SPTLC2: variants seen among roughly 807,000 people sequenced by gnomAD.
The protein encoded by SPTLC2 is serine palmitoyltransferase long chain base subunit 2, also known as serine palmitoyltransferase 2.
A neutral mutation model predicts 62.0 loss-of-function variants in SPTLC2; 21 were observed. The ratio of observed to expected loss-of-function variants is 0.34; its 90% CI spans 0.24 to 0.49. The LOEUF (loss-of-function observed/expected upper bound fraction) is 0.49, where lower values mean the gene tolerates loss of function less well. SPTLC2 is among the 20% of genes least tolerant of loss of function. The probability of loss-of-function intolerance (pLI) is 0.99; values close to 1 mark genes in which losing one functional copy is unlikely to be tolerated. For missense variants in SPTLC2, 511 were observed against 713.0 expected, an observed-to-expected ratio of 0.72 and a Z score of 3.23; for synonymous variants, 261 against 261.8, an observed-to-expected ratio of 1.00 and a Z score of 0.03.
At chr14:77,588,784 T>C (rs748138872) in intron 2 of SPTLC2, among the ~76,000 whole-genome samples, 21 of 151,596 alleles carry the variant, frequency 1.4e-4, no homozygotes, top group East Asian at 5.8e-4. Flanking sequence ...GCGGATCACT[T>C]AAGCCCAGAA....
intron 7 of SPTLC2, 132 bp from the exon 8 acceptor site, chr14:77,555,651 C>A (rs12101243): frequency 4.3e-6 from 4 of 926,008 alleles, no homozygotes. Flanking sequence ...AGTTTTGCTC[C>A]ATTGTCCAGG....
chr14:77,527,871 T>C (rs1473349475), intron 9 of SPTLC2, among the ~76,000 whole-genome samples: 1 of 152,246 alleles, frequency 6.6e-6, no homozygotes, highest in Non-Finnish European at 1.5e-5. Context: ...TGCACTCAGC[T>C]GCTTCAGTAG....
chr14:77,601,222 G>A (rs1044060442), intron 1 of SPTLC2, among the ~76,000 whole-genome samples: 1 of 152,152 alleles, frequency 6.6e-6, no homozygotes, highest in African/African-American at 2.4e-5. Flanking sequence ...TGAAGCAACT[G>A]AAGATCCACA....
At chr14:77,607,178 C>T (rs780379592) in intron 1 of SPTLC2, among the ~76,000 whole-genome samples, 1 of 151,918 alleles carries the variant, frequency 6.6e-6, no homozygotes, top group Admixed American at 6.6e-5. Flanking sequence ...ATATGTAAGA[C>T]GAAAAACACA....
intron 9 of SPTLC2, among the ~76,000 whole-genome samples, chr14:77,540,137 G>T (rs980968229): frequency 6.7e-6 from 1 of 150,316 alleles, no homozygotes; most frequent in Non-Finnish European, 1.5e-5. Context: ...CGGAGGTTGC[G>T]GTAAGCAGAG....
Position 77,562,498 on chromosome 14 carries a change from T to TAA in SPTLC2, c.757-10_757-9insTT. 6.2e-7 allele frequency: 1 copy of TAA among 1,612,168 alleles called. No individual in the cohort carries two copies. The stretch of plus-strand genomic sequence containing the variant: ...CTCAGAATCAGGCAACCCTGCAACA[T>TAA]CACAGGAACAGAAAGGTAAGAAGCT... On this transcript the variant is annotated splice_polypyrimidine_tract_variant and intron_variant, in intron 5 of 11. Transcript: ENST00000216484.
chr14:77,560,703 T>C (rs2140025102), intron 6 of SPTLC2, among the ~76,000 whole-genome samples: 1 of 152,150 alleles, frequency 6.6e-6, no homozygotes, highest in Non-Finnish European at 1.5e-5. Context: ...ATCATGTCCT[T>C]TGCAGCAACA....
At position 77,511,513 on chromosome 14, in the gene SPTLC2, T is replaced by C. The variant is rs988083174; in HGVS notation, c.*771A>G. On this transcript the variant is annotated 3_prime_UTR_variant, in exon 12 of 12. Transcript: ENST00000216484. ...TCTCACCAGGGTGGGATATGGGTGC[T>C]CTGAAAACAGTAAGTGCTTTAAAAA... 6.5e-6 allele frequency: 1 copy of C among 152,992 alleles called. No homozygotes were observed. Among genetic ancestry groups the C allele is most frequent in the Non-Finnish European group, 1.5e-5 (1 of 68,690 alleles). The allele number at this position is 152,992 out of a possible 1,614,324, so 9.5% of individuals were successfully genotyped here. A position where few individuals can be genotyped will look rare whatever the true frequency, so the allele number is the denominator to read the frequency against.
intron 9 of SPTLC2, among the ~76,000 whole-genome samples, chr14:77,546,475 T>A (rs2079528294): frequency 6.6e-6 from 1 of 152,006 alleles, no homozygotes; most frequent in Non-Finnish European, 1.5e-5. Context: ...AAGTTTAAGG[T>A]TTTAGGGGAG....
chr14:77,510,781 T>C lies in SPTLC2; in HGVS notation c.*1503A>G, dbSNP rs1473949227. 6.6e-6 allele frequency: 1 copy of C among 152,518 alleles called. No homozygotes were observed. The highest frequency in any genetic ancestry group is 2.4e-5 in the African/African-American group (1 of 41,442). The allele number at this position is 152,518 out of a possible 1,614,324, so 9.4% of individuals were successfully genotyped here. ...GAGCCACCGCACTCGGCCTGTAACA[T>C]GACTTTCATACACTGTTTTTCCATT... On this transcript the variant is annotated 3_prime_UTR_variant, in exon 12 of 12. Transcript: ENST00000216484.
chr14:77,590,449 G>A (rs189074259), intron 2 of SPTLC2, among the ~76,000 whole-genome samples: 6 of 152,290 alleles, frequency 3.9e-5, no homozygotes, highest in African/African-American at 9.6e-5. Flanking sequence ...AGTGGCTCAC[G>A]CCTGTAATCC....
At chr14:77,530,419 C>G (rs2079432409) in intron 9 of SPTLC2, among the ~76,000 whole-genome samples, 1 of 152,142 alleles carries the variant, frequency 6.6e-6, no homozygotes, top group Non-Finnish European at 1.5e-5. Flanking sequence ...ACCTCCACCT[C>G]CTAGGTTCAA....
chr14:77,590,476 C>T (rs1012019067), intron 2 of SPTLC2, among the ~76,000 whole-genome samples: 12 of 152,068 alleles, frequency 7.9e-5, no homozygotes, highest in East Asian at 3.9e-4. Context: ...TTTGGGAGGC[C>T]GAGGTGGGCA....
chr14:77,612,963 T>A (rs1397074940), intron 1 of SPTLC2, among the ~76,000 whole-genome samples: 2 of 152,164 alleles, frequency 1.3e-5, no homozygotes, highest in African/African-American at 4.8e-5. Context: ...TTCACACTTA[T>A]TAACTAACTC....
Position 77,512,029 on chromosome 14 carries a change from A to G in SPTLC2, c.*255T>C, listed in dbSNP as rs2079334696. 2.0e-6 allele frequency: 1 copy of G among 508,008 alleles called. No individual in the cohort carries two copies. The highest frequency in any genetic ancestry group is 1.9e-5 in the African/African-American group (1 of 51,700). The allele number at this position is 508,008 out of a possible 1,614,324, so 31.5% of individuals were successfully genotyped here. A position where few individuals can be genotyped will look rare whatever the true frequency, so the allele number is the denominator to read the frequency against. Reference sequence around the variant, plus strand: ...ACAAGTAGAATGGTTGCAAAATAAAATGTTTTTTTAATGGACTGAAAAAGC... The same window carrying G: ...ACAAGTAGAATGGTTGCAAAATAAAGTGTTTTTTTAATGGACTGAAAAAGC... On this transcript the variant is annotated 3_prime_UTR_variant, in exon 12 of 12. Transcript: ENST00000216484.
chr14:77,573,192 G>A (rs920550732), intron 4 of SPTLC2, among the ~76,000 whole-genome samples: 2 of 152,112 alleles, frequency 1.3e-5, no homozygotes, highest in African/African-American at 4.8e-5. Flanking sequence ...ATGAGGTAGG[G>A]GGAGCGGGGG....
In SPTLC2 at chr14:77,563,241, C is replaced by T. The variant is rs552264022; in HGVS notation, c.757-752G>A. On this transcript the variant is annotated intron_variant, in intron 5 of 11. Coordinates refer to ENST00000216484, the MANE Select transcript of SPTLC2 (RefSeq NM_004863.4). Reference sequence around the variant, plus strand: ...GCAGAAAGTATATAGCATGCTCCCACGAGAATAAAAAGAAGAGAGAAGATA... The same window carrying T: ...GCAGAAAGTATATAGCATGCTCCCATGAGAATAAAAAGAAGAGAGAAGATA... 1.2e-4 allele frequency among the ~76,000 whole-genome samples: 19 copies of T among 152,012 alleles called. 1 individual carries two copies. Among genetic ancestry groups the T allele is most frequent in the Non-Finnish European group, 2.4e-4 (16 of 67,992 alleles).
chr14:77,615,229 C>A (rs2079959984), intron 1 of SPTLC2, among the ~76,000 whole-genome samples: 1 of 152,206 alleles, frequency 6.6e-6, no homozygotes, highest in African/African-American at 2.4e-5. Flanking sequence ...TGTATTACTT[C>A]GCTTTGACAC....
intron 9 of SPTLC2, among the ~76,000 whole-genome samples, chr14:77,550,942 A>T (rs1231735647): frequency 6.6e-6 from 1 of 151,942 alleles, no homozygotes; most frequent in Non-Finnish European, 1.5e-5. Flanking sequence ...GAAAGAAAGA[A>T]AACAGTCTTA....
Sources: gnomAD v4.1 joint callset for allele counts (sites outside exome capture counted in the v4.1 genomes callset) on GRCh38, gnomAD v4.1.1 for gene constraint, MANE v1.5 for transcripts, NCBI Gene and HGNC (gene_info 2026-07-23, HGNC 2026-07-21) for gene names.